Variants in COL9A1 observed in about 807,000 individuals in gnomAD.
COL9A1 encodes the protein collagen type IX alpha 1 chain.
A neutral mutation model predicts 142.6 loss-of-function variants in COL9A1; 104 were observed. That is an observed-to-expected ratio of 0.73 (90% CI 0.62 to 0.86). The LOEUF (loss-of-function observed/expected upper bound fraction) is 0.86. Ranked by LOEUF, COL9A1 falls within the 40% of genes least tolerant of loss-of-function variation. The pLI, the probability that COL9A1 is intolerant of heterozygous loss-of-function variation, is 0.00. For synonymous variants in COL9A1, 466 were observed against 396.0 expected, an observed-to-expected ratio of 1.18 and a Z score of -2.10; for missense variants, 1,210 against 1,176.6, an observed-to-expected ratio of 1.03 and a Z score of -0.42.
chr6:70,257,968 T>C (rs1771427232), intron 20 of COL9A1, among the ~76,000 whole-genome samples: 1 of 152,138 alleles, frequency 6.6e-6, no homozygotes, highest in Non-Finnish European at 1.5e-5. Context: ...TAGGTTCAAT[T>C]TATATAAAGT....
intron 36 of COL9A1, among the ~76,000 whole-genome samples, chr6:70,231,092 G>A (rs12190357): frequency 0.22 from 33,348 of 152,062 alleles, 3,937 homozygotes; most frequent in Non-Finnish European, 0.27. Flanking sequence ...GCTAGACCTC[G>A]ACCCCAGAGT....
At chr6:70,223,208 A>G (rs1200564) in intron 37 of COL9A1, among the ~76,000 whole-genome samples, 14,139 of 152,186 alleles carry the variant, frequency 0.093, 988 homozygotes, top group African/African-American at 0.19. Context: ...CTTTGCCCTC[A>G]GCTTTCCTTG....
chr6:70,291,597 C>T (rs1187320678), intron 5 of COL9A1, among the ~76,000 whole-genome samples: 1 of 152,110 alleles, frequency 6.6e-6, no homozygotes, highest in Non-Finnish European at 1.5e-5. Flanking sequence ...TTTACATACT[C>T]AATGAAAGTT....
At chr6:70,251,783 T>C (rs9455016) in intron 28 of COL9A1, among the ~76,000 whole-genome samples, 23,487 of 152,104 alleles carry the variant, frequency 0.15, 2,088 homozygotes, top group Non-Finnish European at 0.21. Flanking sequence ...GTTGCACAAT[T>C]CCATCAATAT....
intron 28 of COL9A1, among the ~76,000 whole-genome samples, chr6:70,249,448 G>A (rs572626798): frequency 9.3e-5 from 14 of 150,582 alleles, no homozygotes; most frequent in South Asian, 2.1e-4. Context: ...GGAGACACTG[G>A]TAGAGAAAGG....
chr6:70,217,006 G>A lies in COL9A1; in HGVS notation c.2657C>T (p.Pro886Leu). ...ERGPPGVAGI[P>L]GVPGPPGPPG... ...AGGTCCCGGGGGTCCAGGCACTCCA[G>A]GAATTCCTGCCACCCCTGGGGGGCC... Residue 886 changes from proline (P) to leucine (L), a missense_variant, in exon 38 of 38, where the codon CCT (proline) becomes CTT (leucine). Coordinates refer to ENST00000357250, the MANE Select transcript of COL9A1 (RefSeq NM_001851.6). 6.2e-7 allele frequency: 1 copy of A among 1,614,130 alleles called. No homozygotes were observed. Among genetic ancestry groups the A allele is most frequent in the South Asian group, 1.1e-5 (1 of 91,078 alleles).
At position 70,280,862 on chromosome 6, in the gene COL9A1, C is replaced by T; in HGVS notation, c.925G>A (p.Glu309Lys). 1.2e-6 allele frequency: 2 copies of T among 1,613,532 alleles called. No individual in the cohort carries two copies. The highest frequency in any genetic ancestry group is 2.2e-5 in the East Asian group (1 of 44,856). Residue 309 changes from glutamate (E) to lysine (K), a missense_variant, in exon 10 of 38, where the codon GAA becomes AAA. Glu to Lys is a moderately conservative substitution (Grantham distance 56). Transcript: ENST00000357250. ...GPPGPPGPAG[E>K]PGKPGAPGKP... ...CCTGGAGCTCCTGGCTTTCCCGGTT[C>T]ACCTGCAGGACCCTGAGCAGGGGCA...
chr6:70,298,249 T>C (rs1773920641), intron 4 of COL9A1, among the ~76,000 whole-genome samples: 1 of 152,210 alleles, frequency 6.6e-6, no homozygotes, highest in African/African-American at 2.4e-5. Context: ...TGGACTGGGC[T>C]CTTGAAGCAC....
At chr6:70,263,211 T>C in intron 19 of COL9A1, 33 bp downstream of exon 19, 1 of 1,469,362 alleles carries the variant, frequency 6.8e-7, no homozygotes, top group African/African-American at 1.4e-5. Context: ...TATTTACATA[T>C]CCTAGTTAAA....
chr6:70,289,517 G>T (rs1350427264), intron 5 of COL9A1, among the ~76,000 whole-genome samples: 1 of 152,022 alleles, frequency 6.6e-6, no homozygotes, highest in Non-Finnish European at 1.5e-5. Flanking sequence ...TGTTAATGTG[G>T]TCTACAACGC....
At chr6:70,221,493 C>T (rs144838255) in intron 37 of COL9A1, among the ~76,000 whole-genome samples, 31 of 152,230 alleles carry the variant, frequency 2.0e-4, no homozygotes, top group African/African-American at 7.2e-4. Flanking sequence ...AAAACTTAGC[C>T]CAGAACTGAA....
chr6:70,302,353 G>A (rs1442725215), intron 1 of COL9A1, among the ~76,000 whole-genome samples: 2 of 151,910 alleles, frequency 1.3e-5, no homozygotes, highest in Non-Finnish European at 2.9e-5. Context: ...GGGATTACAG[G>A]CACGTGCCAC....
At chr6:70,292,312 G>A (rs1452168392) in intron 5 of COL9A1, among the ~76,000 whole-genome samples, 1 of 152,162 alleles carries the variant, frequency 6.6e-6, no homozygotes, top group African/African-American at 2.4e-5. Context: ...CAGTCTGAAG[G>A]AAGACACTTG....
chr6:70,256,482 G>A (rs1320689314), intron 21 of COL9A1, among the ~76,000 whole-genome samples: 2 of 152,066 alleles, frequency 1.3e-5, no homozygotes, highest in Non-Finnish European at 2.9e-5. Context: ...GATAGTTACT[G>A]AGACTCAAGG....
intron 17 of COL9A1, among the ~76,000 whole-genome samples, chr6:70,268,569 T>C (rs1368331385): frequency 6.6e-6 from 1 of 152,206 alleles, no homozygotes; most frequent in Non-Finnish European, 1.5e-5. Context: ...CAATCCAATG[T>C]ATTTTATTGG....
intron 5 of COL9A1, among the ~76,000 whole-genome samples, chr6:70,287,396 G>A (rs1341955765): frequency 6.6e-6 from 1 of 152,080 alleles, no homozygotes; most frequent in Admixed American, 6.5e-5. Flanking sequence ...TTGATTTAGA[G>A]GGCATTTTGA....
intron 37 of COL9A1, among the ~76,000 whole-genome samples, chr6:70,222,450 T>C (rs533529004): frequency 2.6e-5 from 4 of 152,340 alleles, no homozygotes; most frequent in South Asian, 4.1e-4. Context: ...ACAAACTAGA[T>C]TGTGCATGTG....
rs773733219 is a variant in COL9A1 at position 70,234,544 on chromosome 6, A to G, written c.2309T>C (p.Ile770Thr). 5.0e-6 allele frequency: 8 copies of G among 1,614,090 alleles called. No individual in the cohort carries two copies. In the South Asian group the frequency reaches 7.7e-5, roughly 16 times the overall value. Residue 770 changes from isoleucine (I) to threonine (T), a missense_variant, in exon 35 of 38, where the codon ATA (isoleucine) becomes ACA (threonine). Physicochemically the swap from Ile to Thr is moderately conservative, Grantham distance 89. Transcript: ENST00000357250. ...QHIKQVCMRVIQEHFAEMAAS... is the reference protein window; with the variant it reads ...QHIKQVCMRVTQEHFAEMAAS... ...AACCATTGTGATTTATTTACCTTGTATGACTCTCATGCAAACCTGCTTAAT... is the reference window on the plus strand; with the variant it reads ...AACCATTGTGATTTATTTACCTTGTGTGACTCTCATGCAAACCTGCTTAAT...
chr6:70,234,103 C>T (rs12209857), intron 35 of COL9A1, among the ~76,000 whole-genome samples: 54,745 of 151,984 alleles, frequency 0.36, 11,998 homozygotes, highest in Non-Finnish European at 0.51. Flanking sequence ...CTTATGCTTC[C>T]TATGGGCATG....
Sources: gnomAD v4.1 joint callset for allele counts (sites outside exome capture counted in the v4.1 genomes callset) on GRCh38, gnomAD v4.1.1 for gene constraint, MANE v1.5 for transcripts, NCBI Gene and HGNC (gene_info 2026-07-23, HGNC 2026-07-21) for gene names.